KLHL14: variants seen among roughly 807,000 people sequenced by gnomAD.
KLHL14 encodes the protein kelch like family member 14, also known as kelch-like protein 14.
In KLHL14, 22 loss-of-function variants were observed where a neutral mutation model predicts 64.3. The ratio of observed to expected loss-of-function variants is 0.34; its 90% confidence interval spans 0.24 to 0.49. The LOEUF (loss-of-function observed/expected upper bound fraction) is 0.49. Among genes scored for constraint, KLHL14 ranks in the 20% least tolerant of loss-of-function variants. The pLI, the probability that KLHL14 is intolerant of heterozygous loss-of-function variation, is 0.99. For missense variants in KLHL14, 661 were observed against 789.0 expected (o/e 0.84, Z 1.94); for synonymous variants, 322 against 333.4 (o/e 0.97, Z 0.37).
At chr18:32,708,336 G>C (rs1290246769) in intron 3 of KLHL14, among the ~76,000 whole-genome samples, 1 of 152,192 alleles carries the variant, frequency 6.6e-6, no homozygotes, top group African/African-American at 2.4e-5. Context: ...TATTCCATAG[G>C]GACATTTGCA....
At chr18:32,728,007 G>A (rs925704664) in intron 3 of KLHL14, among the ~76,000 whole-genome samples, 5 of 139,066 alleles carry the variant, frequency 3.6e-5, no homozygotes, top group Non-Finnish European at 7.9e-5. Context: ...GGAAGTGATC[G>A]CCTCATTCTG....
At chr18:32,745,169 G>T (rs1450400805) in intron 2 of KLHL14, 1 of 152,260 alleles carries the variant, frequency 6.6e-6, no homozygotes, top group Non-Finnish European at 1.5e-5. Context: ...CTTTTGCATT[G>T]TTGTATTTAC....
At position 32,680,655 on chromosome 18, in the gene KLHL14, T is replaced by C; in HGVS notation, c.1239-56A>G. 1 of 1,511,168 alleles carries C rather than the reference T, an allele frequency of 6.6e-7. No individual in the cohort carries two copies. Among genetic ancestry groups the C allele is most frequent in the Non-Finnish European group, 8.9e-7 (1 of 1,120,242 alleles). The allele number at this position is 1,511,168 out of a possible 1,614,324, so 93.6% of individuals were successfully genotyped here. ...AAGAGGAGCTGTGAAATGTTACCTTTCGAAATAAGATAAGCACCACACAGC... is the reference window on the plus strand; with the variant it reads ...AAGAGGAGCTGTGAAATGTTACCTTCCGAAATAAGATAAGCACCACACAGC... On this transcript the variant is annotated intron_variant, in intron 5 of 8. Transcript: ENST00000359358. The surrounding 1 kb of genome is among the most constrained non-coding windows in gnomAD (Gnocchi z 4.8).
At chr18:32,734,681 C>T (rs1336811678) in intron 3 of KLHL14, among the ~76,000 whole-genome samples, 3 of 152,198 alleles carry the variant, frequency 2.0e-5, no homozygotes, top group Non-Finnish European at 4.4e-5. Context: ...TGAGGAACAA[C>T]TCTATTCCAG....
intron 4 of KLHL14, among the ~76,000 whole-genome samples, chr18:32,691,455 G>C (rs1175955055): frequency 6.6e-6 from 1 of 152,184 alleles, no homozygotes; most frequent in Non-Finnish European, 1.5e-5. Flanking sequence ...AAGGTGACAG[G>C]ATTGCTCAAA....
chr18:32,677,498 G>C (rs1214843228), intron 7 of KLHL14, among the ~76,000 whole-genome samples, 168 bp from the exon 8 acceptor site: 1 of 152,152 alleles, frequency 6.6e-6, no homozygotes, highest in Non-Finnish European at 1.5e-5. Flanking sequence ...GAAAGACCTA[G>C]AAAACCCCAA....
At chr18:32,733,850 T>A in intron 3 of KLHL14, 1 of 285,606 alleles carries the variant, frequency 3.5e-6, no homozygotes, top group East Asian at 6.5e-5. Context: ...TTTGGTAGAA[T>A]TGCTAAATTG....
rs761146929 is a variant in KLHL14 at position 32,680,614 on chromosome 18, A to G, written c.1239-15T>C. ...AACTGGCTCTTCTACAATGAAAAGA[A>G]CCCACAGTAAATCACAAGAGGAGCT... On this transcript the variant is annotated splice_polypyrimidine_tract_variant and intron_variant, in intron 5 of 8. Coordinates refer to ENST00000359358, the MANE Select transcript of KLHL14 (RefSeq NM_020805.3). This position sits in a 1 kb window ranked among gnomAD's most constrained non-coding sequence, Gnocchi z 4.8. 5.7e-6 allele frequency: 9 copies of G among 1,589,506 alleles called. No homozygotes were observed. Among genetic ancestry groups the G allele is most frequent in the Non-Finnish European group, 8.6e-7 (1 of 1,168,092 alleles).
At chr18:32,686,071 G>T (rs978052153) in intron 5 of KLHL14, among the ~76,000 whole-genome samples, 4 of 150,904 alleles carry the variant, frequency 2.7e-5, no homozygotes, top group Non-Finnish European at 5.9e-5. Flanking sequence ...GAGTGCAGTG[G>T]CGCAATCTAG....
At chr18:32,763,306 G>A (rs75250452) in intron 2 of KLHL14, among the ~76,000 whole-genome samples, 4,550 of 152,200 alleles carry the variant, frequency 0.03, 220 homozygotes, top group African/African-American at 0.1. Flanking sequence ...GCTTTCTAAT[G>A]TCTTCCCCTC....
intron 3 of KLHL14, among the ~76,000 whole-genome samples, chr18:32,729,871 A>G (rs1419814519): frequency 6.6e-6 from 1 of 152,198 alleles, no homozygotes; most frequent in Non-Finnish European, 1.5e-5. Flanking sequence ...CAATAAATAG[A>G]ACTAGAAATA....
In KLHL14 at chr18:32,673,398, G is replaced by A. The variant is rs559604227; in HGVS notation, c.*1259C>T. On this transcript the variant is annotated 3_prime_UTR_variant, in exon 9 of 9. Transcript: ENST00000359358. ...GCTCTGGAGGGCTTGAAAATCGAAT[G>A]TGCATTCCTGTCAGTTTTGTCCTTT... 20 of 152,302 alleles carry A rather than the reference G, an allele frequency of 1.3e-4. No individual in the cohort carries two copies. The highest frequency in any genetic ancestry group is 6.5e-4 in the Admixed American group (10 of 15,304). The allele number at this position is 152,302 out of a possible 1,614,324, so 9.4% of individuals were successfully genotyped here. A position where few individuals can be genotyped will look rare whatever the true frequency, so the allele number is the denominator to read the frequency against.
At chr18:32,681,367 TG>T (rs2049837815) in intron 5 of KLHL14, among the ~76,000 whole-genome samples, 1 of 152,084 alleles carries the variant, frequency 6.6e-6, no homozygotes, top group African/African-American at 2.4e-5. Flanking sequence ...TTGAAGACAC[TG>T]AGGACCTGAA....
intron 3 of KLHL14, among the ~76,000 whole-genome samples, chr18:32,721,369 C>T (rs909621490): frequency 2.0e-5 from 3 of 152,168 alleles, no homozygotes; most frequent in Admixed American, 2.0e-4. Context: ...TGCCACTTGT[C>T]ACAAGAATGT....
At chr18:32,701,395 T>C (rs2049965694) in intron 3 of KLHL14, among the ~76,000 whole-genome samples, 1 of 152,196 alleles carries the variant, frequency 6.6e-6, no homozygotes, top group African/African-American at 2.4e-5. Context: ...AGTGCCTCTC[T>C]ATTACTTTAG....
chr18:32,714,215 C>T (rs879357238), intron 3 of KLHL14, among the ~76,000 whole-genome samples: 3 of 152,080 alleles, frequency 2.0e-5, no homozygotes, highest in Admixed American at 2.0e-4. Context: ...AGATATTATG[C>T]ATTCAATTTA....
chr18:32,678,538 T>G (rs2049822293), intron 7 of KLHL14, among the ~76,000 whole-genome samples: 1 of 152,184 alleles, frequency 6.6e-6, no homozygotes, highest in East Asian at 1.9e-4. Flanking sequence ...GATTATAATT[T>G]TTGAAGCATA....
At position 32,770,110 on chromosome 18, in the gene KLHL14, C is replaced by T; in HGVS notation, c.482G>A (p.Ser161Asn). ...LDTVEEVLSV[S>N]KILHIPQVTK... ...GACCTGGGGGATGTGCAGGATCTTG[C>T]TGACCGACAGCACCTCCTCCACCGT... The change falls in exon 2 of 9, where the codon AGC (serine) becomes AAC (asparagine). Residue 161 changes from serine (S) to asparagine (N), a missense_variant. This residue lies in a region of KLHL14 where 331 missense variants were observed against 339.0 expected (regional missense o/e 0.98). Transcript: ENST00000359358. The surrounding 1 kb of genome is among the most constrained non-coding windows in gnomAD (Gnocchi z 6.7). 3 of 1,614,196 alleles carry T rather than the reference C, an allele frequency of 1.9e-6. No homozygotes were observed. Among genetic ancestry groups the T allele is most frequent in the South Asian group, 2.2e-5 (2 of 91,088 alleles).
intron 8 of KLHL14, among the ~76,000 whole-genome samples, chr18:32,676,929 C>T (rs886746108): frequency 6.6e-6 from 1 of 152,138 alleles, no homozygotes; most frequent in Non-Finnish European, 1.5e-5. Flanking sequence ...AAGCCAGAAT[C>T]ACAAGGTCAT....
Sources: gnomAD v4.1 joint callset for allele counts (sites outside exome capture counted in the v4.1 genomes callset) on GRCh38, gnomAD v4.1.1 for gene constraint, gnomAD v4.1.1 regional missense constraint, Gnocchi (gnomAD v3.1) non-coding constraint, MANE v1.5 for transcripts, NCBI Gene and HGNC (gene_info 2026-07-23, HGNC 2026-07-21) for gene names.